The following ETV3L variants were observed in gnomAD, a reference collection of about 807,000 sequenced individuals.
ETV3L encodes ETS variant transcription factor 3 like, also known as ETS translocation variant 3-like protein.
Under a neutral mutation model 27.6 loss-of-function variants are expected in ETV3L, and 30 were observed. That is an observed-to-expected ratio of 1.09 (90% CI 0.81 to 1.48). The LOEUF (loss-of-function observed/expected upper bound fraction) is 1.48. Among genes scored for constraint, ETV3L ranks in the 40% most tolerant of loss-of-function variants. ETV3L has a pLI of 0.00. For missense variants in ETV3L, 443 were observed against 455.6 expected, an observed-to-expected ratio of 0.97 and a Z score of 0.25; for synonymous variants, 186 against 188.9, an observed-to-expected ratio of 0.98 and a Z score of 0.12.
At chr1:157,098,951 G>A (rs544819258) in intron 2 of ETV3L, 56 bp from the exon 3 acceptor site, 1 of 1,547,902 alleles carries the variant, frequency 6.5e-7, no homozygotes, top group Non-Finnish European at 8.8e-7. Flanking sequence ...AATAGAGTCA[G>A]GGACCCAGTC....
At position 157,098,755 on chromosome 1, in the gene ETV3L, GC is replaced by G; in HGVS notation, c.436del (p.Ala146ProfsTer33). 2.5e-6 allele frequency: 4 copies of G among 1,613,304 alleles called. No individual in the cohort carries two copies. Among genetic ancestry groups the G allele is most frequent in the Non-Finnish European group, 3.4e-6 (4 of 1,179,678 alleles). On this transcript the variant is annotated frameshift_variant, in exon 3 of 5. Coordinates refer to ENST00000454449, the MANE Select transcript of ETV3L (RefSeq NM_001004341.2). LOFTEE classifies it high-confidence loss of function. ...APPSPHLLLG[A>X]PALCRPALVP... ...CAGCGCTGGCCGACACAGGGCAGGG[GC>G]CCCCAGCAGCAAGTGGGGGGATGGC... is the stretch of plus-strand genomic sequence containing the variant.
At chr1:157,093,484 T>C (rs988719800) in intron 4 of ETV3L, among the ~76,000 whole-genome samples, 3 of 151,654 alleles carry the variant, frequency 2.0e-5, no homozygotes, top group African/African-American at 7.3e-5. Context: ...TTTTCTTTTT[T>C]CTTTTTTTTC....
chr1:157,095,171 A>T (rs1460462187), intron 4 of ETV3L, among the ~76,000 whole-genome samples: 1 of 152,072 alleles, frequency 6.6e-6, no homozygotes, highest in Non-Finnish European at 1.5e-5. Flanking sequence ...TCCTGAGGGC[A>T]TGTGGAAGAG....
intron 4 of ETV3L, among the ~76,000 whole-genome samples, chr1:157,094,927 A>AC (rs957716742): frequency 1.4e-4 from 22 of 151,860 alleles, no homozygotes; most frequent in African/African-American, 5.1e-4. Context: ...AAAAAAAAAA[A>AC]AAAAAAACCT....
In ETV3L at chr1:157,098,796, C is replaced by G; in HGVS notation, c.396G>C (p.Trp132Cys). 6.2e-7 allele frequency: 1 copy of G among 1,614,106 alleles called. No homozygotes were observed. Among genetic ancestry groups the G allele is most frequent in the Non-Finnish European group, 8.5e-7 (1 of 1,179,998 alleles). Residue 132 changes from tryptophan to cysteine, a missense_variant, in exon 3 of 5, where the codon TGG (tryptophan) becomes TGC (cysteine). By Grantham distance (215) the Trp-to-Cys change is radical. Transcript: ENST00000454449. The stretch of plus-strand genomic sequence containing the variant: ...GGGGGGATGGCGGCGCCCGCACTTC[C>G]CACAAAGGATAGTTGACTACGATGA... ...SKLIVVNYPL[W>C]EVRAPPSPHL... is the part of the protein sequence containing the mutation.
intron 4 of ETV3L, 113 bp downstream of exon 4, chr1:157,097,755 A>G: frequency 1.5e-6 from 2 of 1,302,062 alleles, no homozygotes; most frequent in Non-Finnish European, 2.1e-6. Context: ...GAATGAATGA[A>G]TGAGTTACAT....
chr1:157,092,459 C>T lies in ETV3L; in HGVS notation c.*190G>A. 1.7e-6 allele frequency: 1 copy of T among 577,516 alleles called. No individual in the cohort carries two copies. The highest frequency in any genetic ancestry group is 3.1e-6 in the Non-Finnish European group (1 of 327,624). 35.8% of individuals were successfully genotyped at this position (577,516 alleles called of 1,614,324 possible). On this transcript the variant is annotated 3_prime_UTR_variant, in exon 5 of 5. Transcript: ENST00000454449. ...TGGTGAAAGAGGAGGGGCACCCTGTCTTGGTTTTTCCCATTTCCACATTCA... is the reference window on the plus strand; with the variant it reads ...TGGTGAAAGAGGAGGGGCACCCTGTTTTGGTTTTTCCCATTTCCACATTCA...
At chr1:157,097,812 G>A in intron 4 of ETV3L, 56 bp downstream of exon 4, 1 of 1,605,952 alleles carries the variant, frequency 6.2e-7, no homozygotes, top group East Asian at 2.2e-5. Flanking sequence ...CAGCCAGGAG[G>A]GCCCTCCCTC....
In ETV3L at chr1:157,098,781, C is replaced by T. The variant is rs767316136; in HGVS notation, c.411G>A (p.Pro137=). Residue 137 remains proline, a synonymous_variant, in exon 3 of 5, where the codon CCG becomes CCA. Transcript: ENST00000454449. Reference sequence around the variant, plus strand: ...CCCCCAGCAGCAAGTGGGGGGATGGCGGCGCCCGCACTTCCCACAAAGGAT... The same window carrying T: ...CCCCCAGCAGCAAGTGGGGGGATGGTGGCGCCCGCACTTCCCACAAAGGAT... ...VNYPLWEVRA[P]PSPHLLLGAP... 18 of 1,613,738 alleles carry T rather than the reference C, an allele frequency of 1.1e-5. No individual in the cohort carries two copies. The highest frequency in any genetic ancestry group is 7.7e-5 in the South Asian group (7 of 91,036).
At chr1:157,098,616 C>T (rs996393142) in intron 3 of ETV3L, 90 bp downstream of exon 3, 12 of 1,275,868 alleles carry the variant, frequency 9.4e-6, no homozygotes, top group Non-Finnish European at 1.3e-5. Flanking sequence ...GGCTGATGGG[C>T]CCCAGAGGCA....
chr1:157,097,727 G>T, intron 4 of ETV3L, 141 bp downstream of exon 4: 1 of 1,079,078 alleles, frequency 9.3e-7, no homozygotes, highest in Non-Finnish European at 1.3e-6. Context: ...AATAGCTGGT[G>T]TTCAATAAAT....
At chr1:157,098,628 A>G (rs1262267540) in intron 3 of ETV3L, 78 bp downstream of exon 3, 3 of 1,348,040 alleles carry the variant, frequency 2.2e-6, no homozygotes, top group Non-Finnish European at 1.0e-6. Flanking sequence ...CCAGAGGCAA[A>G]GAGGAGGGTG....
At position 157,097,900 on chromosome 1, in the gene ETV3L, C is replaced by G. The variant is rs758311984; in HGVS notation, c.575G>C (p.Gly192Ala). The part of the protein sequence containing the change: ...QTPRGPPETS[G>A]DKKGSSSSVY... ...GCTGCTGCTGCTCCCCTTCTTATCC[C>G]CAGAGGTCTCTGGTGGCCCTCGGGG... Residue 192 changes from glycine to alanine, a missense_variant, in exon 4 of 5, where the codon GGG (glycine) becomes GCG (alanine). Gly to Ala is a moderately conservative substitution (Grantham distance 60). Transcript: ENST00000454449. The G allele has an allele frequency of 1.2e-6, 2 of 1,613,680 alleles. No individual in the cohort carries two copies. Among genetic ancestry groups the G allele is most frequent in the Admixed American group, 1.7e-5 (1 of 60,010 alleles).
intron 4 of ETV3L, among the ~76,000 whole-genome samples, chr1:157,094,913 C>CAAAAA (rs34656748): frequency 4.6e-5 from 4 of 86,568 alleles, no homozygotes; most frequent in Non-Finnish European, 8.5e-5. Context: ...AACTCTGTCT[C>CAAAAA]AAAAAAAAAA....
At chr1:157,096,842 C>A (rs1674231431) in intron 4 of ETV3L, among the ~76,000 whole-genome samples, 1 of 152,134 alleles carries the variant, frequency 6.6e-6, no homozygotes, top group African/African-American at 2.4e-5. Context: ...TCGCTTGAAC[C>A]CAGGAGACGG....
At position 157,092,628 on chromosome 1, in the gene ETV3L, A is replaced by G; in HGVS notation, c.*21T>C. 2 of 1,567,918 alleles carry G rather than the reference A, an allele frequency of 1.3e-6. No homozygotes were observed. Among genetic ancestry groups the G allele is most frequent in the Non-Finnish European group, 8.7e-7 (1 of 1,155,282 alleles). On this transcript the variant is annotated 3_prime_UTR_variant, in exon 5 of 5. Coordinates refer to ENST00000454449, the MANE Select transcript of ETV3L (RefSeq NM_001004341.2). ...ATGGACTTTGGAGGACTCCTCCCCAACTTCCCACCTTCCTCTCTAGTTAAG... is the reference window on the plus strand; with the variant it reads ...ATGGACTTTGGAGGACTCCTCCCCAGCTTCCCACCTTCCTCTCTAGTTAAG...
At chr1:157,096,990 C>T (rs796903505) in intron 4 of ETV3L, among the ~76,000 whole-genome samples, 8 of 152,158 alleles carry the variant, frequency 5.3e-5, no homozygotes, top group African/African-American at 1.9e-4. Flanking sequence ...CCCTCCTGCC[C>T]ACAGGAGAAA....
rs1180258533 is a variant in ETV3L at position 157,098,884 on chromosome 1, T to C, written c.308A>G (p.Asn103Ser). The change falls in exon 3 of 5, where the codon AAT becomes AGT. Residue 103 changes from asparagine (N) to serine (S), a missense_variant. Asn to Ser is a conservative substitution (Grantham distance 46). Transcript: ENST00000454449. ...TTTGGTCTTATGCAGGATCCTCTTA[T>C]TGTAGTAATATCTGGAGAATTCGAA... ...KLSRALRYYY[N>S]KRILHKTKGK... The C allele has an allele frequency of 1.9e-6, 3 of 1,612,112 alleles. No homozygotes were observed. The highest frequency in any genetic ancestry group is 3.4e-5 in the Admixed American group (2 of 59,616).
rs375241968 is a variant in ETV3L, at chr1:157,092,682, G to A, written c.1053C>T (p.Asn351=). 3.5e-5 allele frequency: 57 copies of A among 1,613,106 alleles called. No homozygotes were observed. Among genetic ancestry groups the A allele is most frequent in the Admixed American group, 1.0e-4 (6 of 59,950 alleles). ...EESLTSPNLE[N]LKAVWPLDPP ...GATCCAAGGGCCACACTGCTTTGAG[G>A]TTCTCCAGATTGGGGGAAGTAAGGC... The change falls in exon 5 of 5, where the codon AAC becomes AAT. Residue 351 remains asparagine (N), a synonymous_variant. Transcript: ENST00000454449.
Sources: allele counts gnomAD v4.1 joint callset (sites outside exome capture counted in the v4.1 genomes callset), GRCh38; gene constraint gnomAD v4.1.1; transcripts MANE v1.5; gene names NCBI Gene and HGNC (gene_info 2026-07-23, HGNC 2026-07-21).